Variants in MGAT4A observed in about 807,000 individuals in gnomAD.
MGAT4A encodes the protein alpha-1,3-mannosyl-glycoprotein 4-beta-N-acetylglucosaminyltransferase A, also known as N-acetylglucosaminyltransferase IVa.
A neutral mutation model predicts 74.1 loss-of-function variants in MGAT4A; 33 were observed. The observed-to-expected ratio is 0.45, with a 90% confidence interval of 0.34 to 0.60. The LOEUF (loss-of-function observed/expected upper bound fraction) is 0.60. MGAT4A is among the 20% of genes least tolerant of loss of function. MGAT4A has a pLI of 0.02. For synonymous variants in MGAT4A, 198 were observed against 210.4 expected (o/e 0.94, Z 0.51); for missense variants, 479 against 628.3 (o/e 0.76, Z 2.54).
At chr2:98,650,710 G>A (rs935358545) in intron 8 of MGAT4A, among the ~76,000 whole-genome samples, 1 of 152,162 alleles carries the variant, frequency 6.6e-6, no homozygotes, top group Non-Finnish European at 1.5e-5. Flanking sequence ...CAGCACTTTG[G>A]GAGACCGAGG....
intron 2 of MGAT4A, among the ~76,000 whole-genome samples, chr2:98,723,596 G>GTA (rs1401476008): frequency 2.6e-5 from 4 of 152,144 alleles, no homozygotes; most frequent in African/African-American, 7.2e-5. Context: ...GTGATTACCA[G>GTA]CTAAACACTG....
intron 9 of MGAT4A, among the ~76,000 whole-genome samples, chr2:98,644,297 C>T (rs1029053860): frequency 6.6e-6 from 1 of 152,184 alleles, no homozygotes; most frequent in Non-Finnish European, 1.5e-5. Context: ...AATAATCTAT[C>T]GTATACCTAC....
At chr2:98,675,545 C>T (rs113082979) in intron 3 of MGAT4A, among the ~76,000 whole-genome samples, 2 of 147,474 alleles carry the variant, frequency 1.4e-5, no homozygotes, top group Admixed American at 6.9e-5. Flanking sequence ...CAATCACTTC[C>T]ATTTTCTTTT....
intron 4 of MGAT4A, among the ~76,000 whole-genome samples, chr2:98,664,537 A>G (rs1030411220): frequency 6.6e-6 from 1 of 152,318 alleles, no homozygotes; most frequent in Non-Finnish European, 1.5e-5. Flanking sequence ...TCAGTTCACC[A>G]CAACTATCAA....
intron 2 of MGAT4A, among the ~76,000 whole-genome samples, chr2:98,703,527 C>T (rs1267534392): frequency 6.6e-6 from 1 of 152,132 alleles, no homozygotes; most frequent in Admixed American, 6.5e-5. Flanking sequence ...GGAACTTCCT[C>T]AACTGGATAA....
chr2:98,691,794 A>G lies in MGAT4A; in HGVS notation c.95-13323T>C, dbSNP rs1249841262. ...TGTTCTCATGGGAGATGACAGCTTC[A>G]TGTGTGTTACCGCCCCTGAAGGCCT... On this transcript the variant is annotated intron_variant, in intron 2 of 15. Coordinates refer to ENST00000393487, the MANE Select transcript of MGAT4A (RefSeq NM_012214.3). Among the ~76,000 whole-genome samples the G allele has an allele frequency of 3.3e-5, 5 of 152,312 alleles. No individual in the cohort carries two copies. In the East Asian group the frequency reaches 9.6e-4, roughly 29 times the overall value.
At chr2:98,626,533 C>A (rs933530404) in intron 14 of MGAT4A, among the ~76,000 whole-genome samples, 3 of 152,110 alleles carry the variant, frequency 2.0e-5, no homozygotes, top group African/African-American at 7.2e-5. Flanking sequence ...GGCCAAATTT[C>A]TTTAAGCCAA....
intron 9 of MGAT4A, among the ~76,000 whole-genome samples, chr2:98,644,534 A>G (rs955800231): frequency 2.0e-5 from 3 of 152,246 alleles, no homozygotes; most frequent in African/African-American, 7.2e-5. Flanking sequence ...TCCAGCCTCT[A>G]AATGCTTAAA....
chr2:98,672,619 G>A (rs1433205802), intron 4 of MGAT4A, among the ~76,000 whole-genome samples: 1 of 152,108 alleles, frequency 6.6e-6, no homozygotes, highest in Admixed American at 6.5e-5. Context: ...CACTCTCTTT[G>A]TTCACTCCTT....
chr2:98,727,233 G>A (rs1417908659), intron 1 of MGAT4A, among the ~76,000 whole-genome samples: 1 of 152,122 alleles, frequency 6.6e-6, no homozygotes, highest in Non-Finnish European at 1.5e-5. Context: ...AACTATTTAA[G>A]CATTTAGAAA....
At chr2:98,730,540 C>A (rs953945332) in intron 1 of MGAT4A, among the ~76,000 whole-genome samples, 7 of 152,222 alleles carry the variant, frequency 4.6e-5, no homozygotes, top group African/African-American at 1.7e-4. Context: ...GACCGTCCGG[C>A]CCCGCCCACC....
chr2:98,643,431 T>C (rs962774788), intron 10 of MGAT4A, among the ~76,000 whole-genome samples: 3 of 152,230 alleles, frequency 2.0e-5, no homozygotes, highest in African/African-American at 7.2e-5. Flanking sequence ...CCAAAGGTAA[T>C]CATATTATTA....
intron 2 of MGAT4A, among the ~76,000 whole-genome samples, chr2:98,720,698 T>C (rs1702657267): frequency 6.6e-6 from 1 of 152,090 alleles, no homozygotes; most frequent in Non-Finnish European, 1.5e-5. Flanking sequence ...AATAGATTTG[T>C]ACACAATGGA....
intron 14 of MGAT4A, among the ~76,000 whole-genome samples, chr2:98,633,501 A>G (rs1701273335): frequency 6.6e-6 from 1 of 152,218 alleles, no homozygotes; most frequent in African/African-American, 2.4e-5. Flanking sequence ...TTCACCAGTT[A>G]TAATTGTTTT....
intron 14 of MGAT4A, among the ~76,000 whole-genome samples, chr2:98,627,670 CCA>C (rs1701166650): frequency 6.6e-6 from 1 of 152,148 alleles, no homozygotes; most frequent in African/African-American, 2.4e-5. Context: ...GCCACCATGC[CCA>C]GTTTAGCAAA....
chr2:98,622,701 T>C lies in MGAT4A; in HGVS notation c.*2865A>G, dbSNP rs72825704. 159,987 of 985,496 alleles carry C rather than the reference T, an allele frequency of 0.16. 13,205 individuals are homozygous for C. The highest frequency in any genetic ancestry group is 0.25 in the African/African-American group (14,283 of 57,254). The allele number at this position is 985,496 out of a possible 1,614,324, so 61.0% of individuals were successfully genotyped here. A position where few individuals can be genotyped will look rare whatever the true frequency, so the allele number is the denominator to read the frequency against. On this transcript the variant is annotated 3_prime_UTR_variant, in exon 16 of 16. Transcript: ENST00000393487. ...AGTGAGAGGCCCTGAGCACCCACCATAGGAGAGGACAGATGAGCAGTATGA... is the reference window on the plus strand; with the variant it reads ...AGTGAGAGGCCCTGAGCACCCACCACAGGAGAGGACAGATGAGCAGTATGA...
intron 2 of MGAT4A, among the ~76,000 whole-genome samples, chr2:98,708,611 C>T (rs1702473662): frequency 6.6e-6 from 1 of 152,196 alleles, no homozygotes; most frequent in Admixed American, 6.5e-5. Flanking sequence ...ATACCAGCAA[C>T]CAGTAATGTA....
intron 3 of MGAT4A, 53 bp downstream of exon 3, chr2:98,678,248 AAAT>A (rs1702007456): frequency 2.1e-5 from 8 of 379,946 alleles, no homozygotes; most frequent in East Asian, 1.0e-4. Flanking sequence ...AAAAAAAAAA[AAAT>A]ATATATATAT....
intron 4 of MGAT4A, among the ~76,000 whole-genome samples, chr2:98,666,694 A>G (rs1485619808): frequency 6.8e-6 from 1 of 147,844 alleles, no homozygotes; most frequent in Non-Finnish European, 1.5e-5. Context: ...CCCTGTCTCA[A>G]AAAAAAAAAA....
Sources: allele counts gnomAD v4.1 joint callset (sites outside exome capture counted in the v4.1 genomes callset), GRCh38; gene constraint gnomAD v4.1.1; transcripts MANE v1.5; gene names NCBI Gene and HGNC (gene_info 2026-07-23, HGNC 2026-07-21).